ACACB: variants seen among roughly 807,000 people sequenced by gnomAD.
The protein encoded by ACACB is acetyl-CoA carboxylase 2.
In ACACB, 209 loss-of-function variants were observed where a neutral mutation model predicts 278.8. That is an observed-to-expected ratio of 0.75 (90% CI 0.67 to 0.84). ACACB has a LOEUF of 0.84. Among genes scored for constraint, ACACB ranks in the 40% least tolerant of loss-of-function variants. The pLI, the probability that ACACB is intolerant of heterozygous loss-of-function variation, is 0.00. For missense variants in ACACB, 2,850 were observed against 3,269.0 expected, an observed-to-expected ratio of 0.87 and a Z score of 3.13; for synonymous variants, 1,174 against 1,285.6, an observed-to-expected ratio of 0.91 and a Z score of 1.86.
At chr12:109,193,184 A>G (rs2136290254) in intron 15 of ACACB, among the ~76,000 whole-genome samples, 1 of 150,238 alleles carries the variant, frequency 6.7e-6, no homozygotes, top group South Asian at 2.1e-4. Context: ...AGGGTGATTC[A>G]GGTTCTGTGC....
the ACACB span, chr12:109,111,537 T>C: frequency 6.6e-6 from 1 of 151,266 alleles, no homozygotes; most frequent in African/African-American, 2.4e-5. Context: ...GCCACAATTG[T>C]GTTTTTTTTT....
intron 1 of ACACB, among the ~76,000 whole-genome samples, chr12:109,117,719 C>G (rs246082): frequency 6.6e-6 from 1 of 152,144 alleles, no homozygotes; most frequent in East Asian, 1.9e-4. Flanking sequence ...AACCATCCCA[C>G]TTTGCCCAGG....
Position 109,179,934 on chromosome 12 carries a change from C to G in ACACB, c.1665C>G (p.Ala555=), listed in dbSNP as rs997106993. The change falls in exon 11 of 53, where the codon GCC becomes GCG. Residue 555 remains alanine (A), a synonymous_variant. Coordinates refer to ENST00000338432, the MANE Select transcript of ACACB (RefSeq NM_001093.4). The part of the protein sequence containing the change: ...EFMEQCAIRL[A]KTVGYVSAGT... ...CTTCACAGTGTGCCATCCGCCTGGC[C>G]AAGACCGTGGGCTATGTGAGTGCAG... 2 of 1,607,880 alleles carry G rather than the reference C, an allele frequency of 1.2e-6. No homozygotes were observed. Among genetic ancestry groups the G allele is most frequent in the African/African-American group, 2.7e-5 (2 of 74,828 alleles).
chr12:109,220,496 TG>T (rs1399968819), intron 24 of ACACB, among the ~76,000 whole-genome samples: 1 of 152,182 alleles, frequency 6.6e-6, no homozygotes, highest in Non-Finnish European at 1.5e-5. Flanking sequence ...ATATACAAGA[TG>T]AGACTGCTTC....
chr12:109,161,193 T>C (rs561770121), intron 2 of ACACB, among the ~76,000 whole-genome samples: 2 of 152,316 alleles, frequency 1.3e-5, no homozygotes, highest in African/African-American at 4.8e-5. Flanking sequence ...AATCACTCAG[T>C]CAGATTCGCT....
chr12:109,145,914 T>C (rs922256581), intron 2 of ACACB, among the ~76,000 whole-genome samples: 13 of 151,662 alleles, frequency 8.6e-5, no homozygotes, highest in African/African-American at 2.9e-4. Context: ...GAGGCTGAGT[T>C]AGGAGAATCA....
At chr12:109,180,225 T>A (rs775057998) in intron 11 of ACACB, 138 bp downstream of exon 11, 2 of 828,410 alleles carry the variant, frequency 2.4e-6, no homozygotes, top group Non-Finnish European at 3.7e-6. Context: ...CTTTGAGAAA[T>A]CTGTAAAAGC....
intron 45 of ACACB, among the ~76,000 whole-genome samples, chr12:109,256,440 G>A (rs1281240204): frequency 6.6e-6 from 1 of 152,158 alleles, no homozygotes; most frequent in Non-Finnish European, 1.5e-5. Flanking sequence ...CTGAGGCCTG[G>A]GACCCTGTAG....
chr12:109,117,179 G>A lies in ACACB; in HGVS notation c.-10+475G>A, dbSNP rs563866415. Among the ~76,000 whole-genome samples the A allele has an allele frequency of 4.0e-5, 6 of 150,804 alleles. No individual in the cohort carries two copies. The South Asian group carries it at 1.3e-3, about 31-fold the overall frequency. ...GTTCGAGACCAGCCTGGCCAACATG[G>A]CGAAACCCCATCTGTACTAAACACA... On this transcript the variant is annotated intron_variant, in intron 1 of 52. Transcript: ENST00000338432.
chr12:109,232,323 C>A lies in ACACB; in HGVS notation c.4002-346C>A, dbSNP rs867032301. ...TGACTGCCTCACCAGCTGCCTGGGG[C>A]TGGTGGATTTCTCCAGGAGAAATTG... On this transcript the variant is annotated intron_variant, in intron 28 of 52. Coordinates refer to ENST00000338432, the MANE Select transcript of ACACB (RefSeq NM_001093.4). Among the ~76,000 whole-genome samples, 6 of 152,066 alleles carry A rather than the reference C, an allele frequency of 3.9e-5. No homozygotes were observed. In the South Asian group the frequency reaches 1.3e-3, roughly 32 times the overall value.
At chr12:109,173,875 T>A (rs916197119) in intron 6 of ACACB, among the ~76,000 whole-genome samples, 1 of 152,244 alleles carries the variant, frequency 6.6e-6, no homozygotes, top group Non-Finnish European at 1.5e-5. Flanking sequence ...ATTTTGTATA[T>A]GCCACTGTAG....
intron 39 of ACACB, 64 bp from the exon 40 acceptor site, chr12:109,247,539 GAAA>G (rs144291284): frequency 2.0e-6 from 2 of 1,022,622 alleles, no homozygotes; most frequent in Admixed American, 2.2e-5. Flanking sequence ...TTCACATTAA[GAAA>G]AAAAAAACAG....
intron 38 of ACACB, among the ~76,000 whole-genome samples, chr12:109,245,953 G>A (rs2046930131): frequency 6.6e-6 from 1 of 152,040 alleles, no homozygotes; most frequent in South Asian, 2.1e-4. Flanking sequence ...GCTGTGTGTG[G>A]TGGTGTGCTC....
At position 109,239,778 on chromosome 12, in the gene ACACB, G is replaced by A. The variant is rs1286516184; in HGVS notation, c.4663-52G>A. On this transcript the variant is annotated intron_variant, in intron 34 of 52. Transcript: ENST00000338432. ...TGGGGCTGAGTTTCCAGCCAGCTGG[G>A]AGTAGGCCTGCACCCCTGGCCTGAG... The A allele has an allele frequency of 5.2e-6, 8 of 1,527,956 alleles. No individual in the cohort carries two copies. The Admixed American group carries it at 1.0e-4, about 20-fold the overall frequency. The allele number at this position is 1,527,956 out of a possible 1,614,324, so 94.6% of individuals were successfully genotyped here.
At chr12:109,186,015 C>G (rs1253469453) in intron 12 of ACACB, among the ~76,000 whole-genome samples, 1 of 152,166 alleles carries the variant, frequency 6.6e-6, no homozygotes, top group African/African-American at 2.4e-5. Flanking sequence ...ACTACAACCT[C>G]TGCCTCCCAG....
At chr12:109,194,610 CTGTGTGTGTGTG>C (rs144545047) in intron 16 of ACACB, among the ~76,000 whole-genome samples, 11 of 95,318 alleles carry the variant, frequency 1.2e-4, no homozygotes, top group South Asian at 3.3e-4. Context: ...GCCTCTGCCT[CTGTGTGTGTGTG>C]TGTGTGTGTG....
At chr12:109,113,660 C>T (rs901694698), upstream of ACACB, among the ~76,000 whole-genome samples, 1 of 152,106 alleles carries the variant, frequency 6.6e-6, no homozygotes, top group African/African-American at 2.4e-5. Context: ...TGTTCAAATT[C>T]ACTTTCTGCT....
chr12:109,237,370 T>C lies in ACACB; in HGVS notation c.4652T>C (p.Leu1551Pro), dbSNP rs1187303491. ...FIRAIIRHSD[L>P]ITKEASFEYL... ...CGCGCCATCATCAGGCACTCTGACC[T>C]GATCACAAAGGTAAGATGTCGCAGA... is the stretch of plus-strand genomic sequence containing the variant. The change falls in exon 34 of 53, where the codon CTG becomes CCG. Residue 1551 changes from leucine (L) to proline (P), a missense_variant. Leu to Pro is a moderately conservative substitution (Grantham distance 98, BLOSUM62 -3). This residue lies in a region of ACACB where 2,265 missense variants were observed against 2,561.3 expected (regional missense o/e 0.88). Coordinates refer to ENST00000338432, the MANE Select transcript of ACACB (RefSeq NM_001093.4). 4 of 1,613,912 alleles carry C rather than the reference T, an allele frequency of 2.5e-6. No homozygotes were observed. Among genetic ancestry groups the C allele is most frequent in the Admixed American group, 3.3e-5 (2 of 59,946 alleles).
At chr12:109,223,395 G>A (rs374845142) in intron 26 of ACACB, among the ~76,000 whole-genome samples, 2 of 152,206 alleles carry the variant, frequency 1.3e-5, no homozygotes, top group South Asian at 2.1e-4. Flanking sequence ...GGCACTGATC[G>A]CTTTTAGTGG....
Sources: allele counts gnomAD v4.1 joint callset (sites outside exome capture counted in the v4.1 genomes callset), GRCh38; gene constraint gnomAD v4.1.1; regional missense constraint gnomAD v4.1.1; transcripts MANE v1.5; gene names NCBI Gene and HGNC (gene_info 2026-07-23, HGNC 2026-07-21).